ANKRD6: variants seen among roughly 807,000 people sequenced by gnomAD.
The protein encoded by ANKRD6 is ankyrin repeat domain-containing protein 6.
In ANKRD6, 56 loss-of-function variants were observed where a neutral mutation model predicts 82.3. That is an observed-to-expected ratio of 0.68 (90% CI 0.55 to 0.85). ANKRD6 has a LOEUF of 0.85. Among genes scored for constraint, ANKRD6 ranks in the 40% least tolerant of loss-of-function variants. The pLI is 0.00. For synonymous variants in ANKRD6, 347 were observed against 352.1 expected (o/e 0.99, Z 0.16); for missense variants, 852 against 907.6 (o/e 0.94, Z 0.79).
At chr6:89,501,454 A>C (rs1476973356) in intron 1 of ANKRD6, among the ~76,000 whole-genome samples, 1 of 152,208 alleles carries the variant, frequency 6.6e-6, no homozygotes, top group African/African-American at 2.4e-5. Flanking sequence ...GGAACTCCTT[A>C]AGCTTACTTA....
Position 89,629,206 on chromosome 6 carries a change from AATCCACACC to A in ANKRD6, c.1584_1592del (p.Pro530_Thr532del). 1 of 1,613,906 alleles carries A rather than the reference AATCCACACC, an allele frequency of 6.2e-7. No homozygotes were observed. Among genetic ancestry groups the A allele is most frequent in the Non-Finnish European group, 8.5e-7 (1 of 1,179,842 alleles). On this transcript the variant is annotated inframe_deletion, in exon 15 of 16. Coordinates refer to ENST00000339746, the MANE Select transcript of ANKRD6 (RefSeq NM_001242809.2). The stretch of plus-strand genomic sequence containing the variant: ...GGAGATTCTAGGGCCTGCAGAGCTA[AATCCACACC>A]ATCTACTTGTGAGTCCTCTACAGGT...
intron 1 of ANKRD6, among the ~76,000 whole-genome samples, chr6:89,503,213 G>A (rs1779454226): frequency 6.6e-6 from 1 of 152,202 alleles, no homozygotes; most frequent in African/African-American, 2.4e-5. Flanking sequence ...GGCTGCTGGG[G>A]TGATCAAGGA....
intron 1 of ANKRD6, among the ~76,000 whole-genome samples, chr6:89,488,119 T>C (rs2127829949): frequency 6.6e-6 from 1 of 152,348 alleles, no homozygotes; most frequent in Non-Finnish European, 1.5e-5. Flanking sequence ...CTGTCGTCTC[T>C]TTTTGGATGA....
At chr6:89,497,352 C>T (rs149537559) in intron 1 of ANKRD6, among the ~76,000 whole-genome samples, 29 of 152,326 alleles carry the variant, frequency 1.9e-4, no homozygotes, top group African/African-American at 6.5e-4. Context: ...TGTTATCCTC[C>T]TTGTCCTGGT....
chr6:89,605,816 G>T (rs1380102839), intron 4 of ANKRD6, among the ~76,000 whole-genome samples, 191 bp from the exon 5 acceptor site: 2 of 152,146 alleles, frequency 1.3e-5, no homozygotes, highest in Non-Finnish European at 2.9e-5. Flanking sequence ...TGGTTCTTAT[G>T]ATGTATCATT....
chr6:89,601,976 T>A (rs1180826078), intron 3 of ANKRD6: 1 of 152,158 alleles, frequency 6.6e-6, no homozygotes, highest in East Asian at 1.9e-4. Flanking sequence ...TTCACAAAAC[T>A]CTGACCAGCC....
At chr6:89,540,347 T>C (rs1337449306) in intron 1 of ANKRD6, among the ~76,000 whole-genome samples, 2 of 152,190 alleles carry the variant, frequency 1.3e-5, no homozygotes, top group Admixed American at 6.5e-5. Flanking sequence ...TGAGATGATA[T>C]CTCGTAGTTT....
chr6:89,608,606 C>T, intron 5 of ANKRD6, among the ~76,000 whole-genome samples: 1 of 151,970 alleles, frequency 6.6e-6, no homozygotes, highest in East Asian at 1.9e-4. Context: ...AGCAAGAGAA[C>T]CCACCTCAGT....
intron 5 of ANKRD6, among the ~76,000 whole-genome samples, chr6:89,606,312 C>T (rs900812861): frequency 2.0e-5 from 3 of 152,156 alleles, no homozygotes; most frequent in Non-Finnish European, 2.9e-5. Context: ...GCACCAACAG[C>T]GCCAAAACCC....
At chr6:89,551,545 G>A (rs1369118358) in intron 1 of ANKRD6, among the ~76,000 whole-genome samples, 1 of 152,212 alleles carries the variant, frequency 6.6e-6, no homozygotes, top group African/African-American at 2.4e-5. Context: ...CCCAAAGACT[G>A]GGTTCCAGGC....
chr6:89,605,837 T>G (rs1798427916), intron 4 of ANKRD6, among the ~76,000 whole-genome samples, 170 bp from the exon 5 acceptor site: 1 of 152,170 alleles, frequency 6.6e-6, no homozygotes, highest in African/African-American at 2.4e-5. Context: ...TCTGGGATAA[T>G]GGAGAAACTT....
intron 1 of ANKRD6, among the ~76,000 whole-genome samples, chr6:89,498,526 A>ATAT (rs1554221395): frequency 3.0e-5 from 4 of 134,088 alleles, no homozygotes; most frequent in Non-Finnish European, 3.4e-5. Flanking sequence ...ATATATATAT[A>ATAT]TTTTTTTTTA....
chr6:89,611,640 G>A (rs1800282766), intron 5 of ANKRD6, among the ~76,000 whole-genome samples: 1 of 152,240 alleles, frequency 6.6e-6, no homozygotes, highest in Non-Finnish European at 1.5e-5. Flanking sequence ...CTCAATCTGT[G>A]TCCTAAGTGA....
At chr6:89,538,273 T>G (rs1264312638) in intron 1 of ANKRD6, among the ~76,000 whole-genome samples, 1 of 152,202 alleles carries the variant, frequency 6.6e-6, no homozygotes, top group Non-Finnish European at 1.5e-5. Context: ...AATCAGGTCT[T>G]TTGTCTTTTA....
chr6:89,450,996 A>G (rs979380393), intron 1 of ANKRD6, among the ~76,000 whole-genome samples: 1 of 152,160 alleles, frequency 6.6e-6, no homozygotes, highest in Non-Finnish European at 1.5e-5. Flanking sequence ...TCTCCAAGGT[A>G]TGCCTCTATA....
intron 2 of ANKRD6, among the ~76,000 whole-genome samples, chr6:89,587,717 A>T (rs1026502424): frequency 6.6e-6 from 1 of 152,168 alleles, no homozygotes. Context: ...AGCCTATTCC[A>T]ATCTGAGATT....
At position 89,452,297 on chromosome 6, in the gene ANKRD6, T is replaced by A. The variant is rs548691991; in HGVS notation, c.-144+18922T>A. Among the ~76,000 whole-genome samples the A allele has an allele frequency of 3.3e-5, 5 of 152,318 alleles. No homozygotes were observed. The South Asian group carries it at 8.3e-4, about 25-fold the overall frequency. On this transcript the variant is annotated intron_variant, in intron 1 of 15. Transcript: ENST00000339746. The stretch of plus-strand genomic sequence containing the variant: ...TCTTACAGTGTTAATGAAAGATGGG[T>A]ACAAGAGAAAACATTTTCCCCAAAT...
chr6:89,501,736 G>A (rs1253537842), intron 1 of ANKRD6, among the ~76,000 whole-genome samples: 2 of 152,132 alleles, frequency 1.3e-5, no homozygotes, highest in African/African-American at 4.8e-5. Context: ...TTACACCAAA[G>A]TGAATGGGTG....
intron 1 of ANKRD6, among the ~76,000 whole-genome samples, chr6:89,455,141 G>A (rs1356369174): frequency 7.0e-6 from 1 of 142,104 alleles, no homozygotes; most frequent in Non-Finnish European, 1.5e-5. Flanking sequence ...ACCACACCCA[G>A]TGTGTGTGTG....
Sources: gnomAD v4.1 joint callset for allele counts (sites outside exome capture counted in the v4.1 genomes callset) on GRCh38, gnomAD v4.1.1 for gene constraint, MANE v1.5 for transcripts, NCBI Gene and HGNC (gene_info 2026-07-23, HGNC 2026-07-21) for gene names.